Variants in PLCB1 observed in about 807,000 individuals in gnomAD.
PLCB1 encodes the protein phospholipase C beta 1.
In PLCB1, 46 loss-of-function variants were observed where a neutral mutation model predicts 161.8. The observed-to-expected ratio is 0.28, with a 90% CI of 0.22 to 0.36. The LOEUF is 0.36. Ranked by LOEUF, PLCB1 falls within the 10% of genes least tolerant of loss-of-function variation. The probability of loss-of-function intolerance (pLI) is 1.00; values close to 1 mark genes in which losing one functional copy is unlikely to be tolerated. For missense variants in PLCB1, 1,016 were observed against 1,472.5 expected (o/e 0.69, Z 5.07); for synonymous variants, 517 against 503.7 (o/e 1.03, Z -0.35).
intron 3 of PLCB1, among the ~76,000 whole-genome samples, chr20:8,467,182 C>T (rs1037126528): frequency 2.0e-5 from 3 of 152,266 alleles, no homozygotes; most frequent in African/African-American, 7.2e-5. Flanking sequence ...CTCAAGTGAT[C>T]TGCCTGTCTT....
At chr20:8,836,443 GTCTC>G (rs1368142118) in intron 31 of PLCB1, among the ~76,000 whole-genome samples, 1 of 152,190 alleles carries the variant, frequency 6.6e-6, no homozygotes, top group African/African-American at 2.4e-5. Flanking sequence ...TATTGATTCT[GTCTC>G]TCTGGAGAAC....
At chr20:8,341,134 T>C (rs1985794048) in intron 2 of PLCB1, among the ~76,000 whole-genome samples, 1 of 152,050 alleles carries the variant, frequency 6.6e-6, no homozygotes, top group Non-Finnish European at 1.5e-5. Flanking sequence ...AAGCTTCTCT[T>C]CCCCATGCCT....
At chr20:8,443,395 G>T (rs1168956342) in intron 3 of PLCB1, among the ~76,000 whole-genome samples, 2 of 152,156 alleles carry the variant, frequency 1.3e-5, no homozygotes, top group Non-Finnish European at 2.9e-5. Context: ...TGTAGGGTGA[G>T]GCCCTGCTTT....
chr20:8,402,299 T>C (rs559091141), intron 3 of PLCB1, among the ~76,000 whole-genome samples: 2 of 152,286 alleles, frequency 1.3e-5, no homozygotes, highest in South Asian at 2.1e-4. Flanking sequence ...CATACTACTT[T>C]TATGCAAGCA....
chr20:8,670,953 G>A (rs1319516308), intron 9 of PLCB1, among the ~76,000 whole-genome samples: 1 of 152,180 alleles, frequency 6.6e-6, no homozygotes, highest in Non-Finnish European at 1.5e-5. Context: ...GATTTAAGGA[G>A]GTGCTAAACC....
intron 23 of PLCB1, among the ~76,000 whole-genome samples, chr20:8,750,296 G>A (rs1312097583): frequency 6.6e-6 from 1 of 152,140 alleles, no homozygotes; most frequent in East Asian, 1.9e-4. Flanking sequence ...TAATGAAGAA[G>A]CTCAAAAAAC....
At chr20:8,699,301 C>T (rs1262412227) in intron 11 of PLCB1, among the ~76,000 whole-genome samples, 1 of 152,176 alleles carries the variant, frequency 6.6e-6, no homozygotes, top group Non-Finnish European at 1.5e-5. Flanking sequence ...GGCCATTGAA[C>T]ATGGGAGATC....
At chr20:8,551,160 A>G (rs942025592) in intron 3 of PLCB1, among the ~76,000 whole-genome samples, 16 of 152,136 alleles carry the variant, frequency 1.1e-4, no homozygotes, top group Admixed American at 3.3e-4. Context: ...TCAATTTAGG[A>G]TAACTGAAGG....
intron 24 of PLCB1, among the ~76,000 whole-genome samples, chr20:8,759,399 C>T (rs1981901271): frequency 6.6e-6 from 1 of 152,198 alleles, no homozygotes; most frequent in South Asian, 2.1e-4. Flanking sequence ...ATATCCTGTT[C>T]TTCCTTAAAC....
At chr20:8,367,307 C>T (rs1207670234) in intron 2 of PLCB1, among the ~76,000 whole-genome samples, 2 of 152,198 alleles carry the variant, frequency 1.3e-5, no homozygotes, top group Non-Finnish European at 2.9e-5. Context: ...ATTAGTGCTT[C>T]TCAAAGTGTG....
At chr20:8,821,764 C>G (rs916654354) in intron 31 of PLCB1, among the ~76,000 whole-genome samples, 1 of 151,814 alleles carries the variant, frequency 6.6e-6, no homozygotes, top group African/African-American at 2.4e-5. Flanking sequence ...GTGGGTTTGT[C>G]AGAAGGTGTC....
chr20:8,408,593 A>G (rs1174102797), intron 3 of PLCB1, among the ~76,000 whole-genome samples: 2 of 152,192 alleles, frequency 1.3e-5, no homozygotes, highest in East Asian at 3.8e-4. Flanking sequence ...AATCAGATGC[A>G]TGGGACATAC....
intron 2 of PLCB1, among the ~76,000 whole-genome samples, chr20:8,265,528 A>T (rs893376355): frequency 6.7e-6 from 1 of 149,982 alleles, no homozygotes; most frequent in Non-Finnish European, 1.5e-5. Context: ...TTGTTATTTC[A>T]TTTATGCTTT....
intron 31 of PLCB1, among the ~76,000 whole-genome samples, chr20:8,798,997 A>G (rs1246046083): frequency 6.6e-6 from 1 of 152,234 alleles, no homozygotes; most frequent in Non-Finnish European, 1.5e-5. Context: ...TTAGGGCTGC[A>G]TGGTACTCCC....
chr20:8,342,830 T>A (rs1985860708), intron 2 of PLCB1, among the ~76,000 whole-genome samples: 1 of 152,160 alleles, frequency 6.6e-6, no homozygotes, highest in South Asian at 2.1e-4. Context: ...CTCAGAAATG[T>A]CTGCATTTTT....
intron 2 of PLCB1, among the ~76,000 whole-genome samples, chr20:8,303,975 C>G (rs886944767): frequency 2.0e-5 from 3 of 152,156 alleles, no homozygotes; most frequent in Non-Finnish European, 4.4e-5. Context: ...AAACCAGGTC[C>G]TCATCTCAAA....
intron 27 of PLCB1, among the ~76,000 whole-genome samples, chr20:8,777,354 A>G (rs1050618852): frequency 6.6e-6 from 1 of 152,118 alleles, no homozygotes; most frequent in South Asian, 2.1e-4. Flanking sequence ...CAGCAGCCCA[A>G]GGGGTTAAGG....
At chr20:8,613,006 G>A (rs774292699) in intron 3 of PLCB1, among the ~76,000 whole-genome samples, 1 of 152,104 alleles carries the variant, frequency 6.6e-6, no homozygotes, top group African/African-American at 2.4e-5. Context: ...TGTGTGGGTG[G>A]GTACAAGCCC....
intron 1 of PLCB1, among the ~76,000 whole-genome samples, chr20:8,141,706 C>T (rs1382804062): frequency 6.6e-6 from 1 of 151,046 alleles, no homozygotes; most frequent in Admixed American, 6.6e-5. Context: ...AGCGTGGAAA[C>T]ATGCATGTGG....
Sources: allele counts gnomAD v4.1 joint callset (sites outside exome capture counted in the v4.1 genomes callset), GRCh38; gene constraint gnomAD v4.1.1; transcripts MANE v1.5; gene names NCBI Gene and HGNC (gene_info 2026-07-23, HGNC 2026-07-21).